Variants in SIGLEC1 observed in about 807,000 individuals in gnomAD.
The protein encoded by SIGLEC1 is sialoadhesin.
A neutral mutation model predicts 148.0 loss-of-function variants in SIGLEC1; 132 were observed. The observed-to-expected ratio is 0.89, with a 90% confidence interval of 0.77 to 1.03. SIGLEC1 has a LOEUF of 1.03. SIGLEC1 is among the 50% of genes least tolerant of loss of function. The pLI is 0.00. For synonymous variants in SIGLEC1, 945 were observed against 969.0 expected (o/e 0.98, Z 0.46); for missense variants, 2,253 against 2,271.4 (o/e 0.99, Z 0.16).
Position 3,696,706 on chromosome 20 carries a change from C to T in SIGLEC1, c.2563G>A (p.Glu855Lys). 6.2e-7 allele frequency: 1 copy of T among 1,613,758 alleles called. No homozygotes were observed. Among genetic ancestry groups the T allele is most frequent in the African/African-American group, 1.3e-5 (1 of 75,056 alleles). ...ACCTCTAACTTCAGGGAGTTGGCCT[C>T]AGCTTTAGCCTGGAACCGACCATGG... is the stretch of plus-strand genomic sequence containing the variant. ...PSHGRFQAKA[E>K]ANSLKLEVRE... Residue 855 changes from glutamate (E) to lysine (K), a missense_variant, in exon 11 of 22, where the codon GAG becomes AAG. Physicochemically the swap from Glu to Lys is moderately conservative, Grantham distance 56 (BLOSUM62 1). Transcript: ENST00000344754.
intron 1 of SIGLEC1, among the ~76,000 whole-genome samples, chr20:3,708,123 G>T (rs2087908633): frequency 6.6e-6 from 1 of 152,212 alleles, no homozygotes. Flanking sequence ...GTTCAGAGCT[G>T]AGGTTCAGAG....
Position 3,706,711 on chromosome 20 carries a change from G to A in SIGLEC1, c.50-5C>T. On this transcript the variant is annotated splice_region_variant and splice_polypyrimidine_tract_variant and intron_variant, in intron 2 of 21. Coordinates refer to ENST00000344754, the MANE Select transcript of SIGLEC1 (RefSeq NM_023068.4). ...AGACGCCCCATGAGGCCTGGCCTGG[G>A]GGAAGAACGGCAGGGGGACAGAGGG... 4 of 1,533,576 alleles carry A rather than the reference G, an allele frequency of 2.6e-6. No homozygotes were observed. The highest frequency in any genetic ancestry group is 1.2e-5 in the South Asian group (1 of 83,286). The allele number at this position is 1,533,576 out of a possible 1,614,324, so 95.0% of individuals were successfully genotyped here.
chr20:3,703,808 C>A lies in SIGLEC1; in HGVS notation c.973+17G>T, dbSNP rs1243928027. 2 of 1,613,400 alleles carry A rather than the reference C, an allele frequency of 1.2e-6. No homozygotes were observed. Among genetic ancestry groups the A allele is most frequent in the Non-Finnish European group, 1.7e-6 (2 of 1,179,980 alleles). ...TCCCTATTCTCTGGCCAATACGCAA[C>A]CTTCCCAAGAACTCACTGAAGATGT... is the stretch of plus-strand genomic sequence containing the variant. On this transcript the variant is annotated intron_variant, in intron 5 of 21. Coordinates refer to ENST00000344754, the MANE Select transcript of SIGLEC1 (RefSeq NM_023068.4).
At position 3,690,168 on chromosome 20, in the gene SIGLEC1, C is replaced by T. The variant is rs2088742456; in HGVS notation, c.4688G>A (p.Ser1563Asn). ...DCRVDSEPLA[S>N]LTLHLGSRLV... ...TCGACTGCCAAGGTGGAGAGTCAGG[C>T]TGGCGAGCGGCTCGCTGTCCACTCG... The change falls in exon 19 of 22, where the codon AGC (serine) becomes AAC (asparagine). Residue 1563 changes from serine (S) to asparagine (N), a missense_variant. Ser to Asn is a conservative substitution (Grantham distance 46, BLOSUM62 1). Transcript: ENST00000344754. 6.3e-7 allele frequency: 1 copy of T among 1,588,154 alleles called. No individual in the cohort carries two copies. The highest frequency in any genetic ancestry group is 8.6e-7 in the Non-Finnish European group (1 of 1,168,054).
Sources: gnomAD v4.1 joint callset for allele counts (sites outside exome capture counted in the v4.1 genomes callset) on GRCh38, gnomAD v4.1.1 for gene constraint, MANE v1.5 for transcripts, NCBI Gene and HGNC (gene_info 2026-07-23, HGNC 2026-07-21) for gene names.